The following CHCHD3 variants were observed in gnomAD, a reference collection of about 807,000 sequenced individuals.
The protein encoded by CHCHD3 is coiled-coil-helix-coiled-coil-helix domain containing 3.
A neutral mutation model predicts 38.2 loss-of-function variants in CHCHD3; 20 were observed. The observed-to-expected ratio is 0.52, with a 90% CI of 0.37 to 0.76. The LOEUF is 0.76. Ranked by LOEUF, CHCHD3 falls within the 30% of genes least tolerant of loss-of-function variation. The pLI is 0.00. For missense variants in CHCHD3, 245 were observed against 279.2 expected (o/e 0.88, Z 0.87); for synonymous variants, 82 against 100.0 (o/e 0.82, Z 1.07).
intron 4 of CHCHD3, among the ~76,000 whole-genome samples, chr7:132,956,517 G>A (rs1811172479): frequency 6.6e-6 from 1 of 152,204 alleles, no homozygotes. Context: ...TGACAGGCAA[G>A]TCAAGTTATA....
intron 4 of CHCHD3, among the ~76,000 whole-genome samples, chr7:132,908,284 G>C (rs963840399): frequency 1.7e-4 from 26 of 152,060 alleles, no homozygotes; most frequent in African/African-American, 6.3e-4. Flanking sequence ...CTTGACAAAA[G>C]TACCAATGTC....
At chr7:132,973,494 C>A (rs1414111569) in intron 4 of CHCHD3, 3 of 985,326 alleles carry the variant, frequency 3.0e-6, no homozygotes, top group Non-Finnish European at 1.2e-6. Flanking sequence ...TGAAATTATT[C>A]CCCTTTCACA....
intron 2 of CHCHD3, among the ~76,000 whole-genome samples, chr7:133,033,809 T>C (rs575984321): frequency 6.6e-6 from 1 of 152,240 alleles, no homozygotes; most frequent in South Asian, 2.1e-4. Context: ...TTCCTTAGGG[T>C]AATCAAAATT....
chr7:132,973,615 C>T (rs1811667578), intron 4 of CHCHD3: 1 of 1,008,240 alleles, frequency 9.9e-7, no homozygotes, highest in African/African-American at 1.7e-5. Flanking sequence ...TGGTCTACCA[C>T]CTCTATTCTG....
intron 4 of CHCHD3, among the ~76,000 whole-genome samples, chr7:132,943,237 T>C (rs914655083): frequency 6.6e-6 from 1 of 152,168 alleles, no homozygotes. Context: ...AAGAGACTAA[T>C]GTTCGTTTTC....
In CHCHD3 at chr7:132,993,850, A is replaced by G. The variant is rs1213096332; in HGVS notation, c.252-18564T>C. On this transcript the variant is annotated intron_variant, in intron 3 of 7. Transcript: ENST00000262570. Reference sequence around the variant, plus strand: ...TGCCAGAACTAGCCCAATGGCTCACATCTGTCGTCAGATGTGCTTCTGAGA... The same window carrying G: ...TGCCAGAACTAGCCCAATGGCTCACGTCTGTCGTCAGATGTGCTTCTGAGA... 3.3e-5 allele frequency among the ~76,000 whole-genome samples: 5 copies of G among 152,348 alleles called. No homozygotes were observed. The East Asian group carries it at 9.6e-4, about 29-fold the overall frequency.
chr7:132,952,563 A>C (rs1052071984), intron 4 of CHCHD3, among the ~76,000 whole-genome samples: 1 of 152,246 alleles, frequency 6.6e-6, no homozygotes, highest in Non-Finnish European at 1.5e-5. Context: ...AGTTATTTTA[A>C]CTAAAGAAAG....
Position 132,901,118 on chromosome 7 carries a change from C to T in CHCHD3, c.370-15373G>A, listed in dbSNP as rs1267422244. 7.9e-5 allele frequency among the ~76,000 whole-genome samples: 12 copies of T among 152,344 alleles called. 4 individuals are homozygous for T. Among genetic ancestry groups the T allele is most frequent in the Admixed American group, 7.8e-4 (12 of 15,304 alleles). ...GGTAATGAAAGTACAACAGAACACT[C>T]AGCCCTTTACAACATCCCAGTTTTC... On this transcript the variant is annotated intron_variant, in intron 4 of 7. Coordinates refer to ENST00000262570, the MANE Select transcript of CHCHD3 (RefSeq NM_017812.4).
intron 7 of CHCHD3, among the ~76,000 whole-genome samples, chr7:132,792,814 C>T (rs1351687135): frequency 6.6e-6 from 1 of 152,088 alleles, no homozygotes; most frequent in East Asian, 1.9e-4. Flanking sequence ...TCCTATAAAC[C>T]CCACCCTCCC....
intron 3 of CHCHD3, among the ~76,000 whole-genome samples, chr7:133,007,952 G>A (rs1812745612): frequency 6.6e-6 from 1 of 152,270 alleles, no homozygotes; most frequent in Non-Finnish European, 1.5e-5. Context: ...GCCATTTACA[G>A]GATAACCTTT....
intron 5 of CHCHD3, among the ~76,000 whole-genome samples, chr7:132,850,438 GTTTTTTTTTTTGTTT>G (rs1417599653): frequency 7.1e-6 from 1 of 141,794 alleles, no homozygotes; most frequent in African/African-American, 2.6e-5. Context: ...AGAGTCTCAG[GTTTTTTTTTTTGTTT>G]TTTTTTTTTT....
intron 4 of CHCHD3, among the ~76,000 whole-genome samples, chr7:132,927,071 T>C (rs1375230910): frequency 1.3e-5 from 2 of 152,238 alleles, no homozygotes; most frequent in African/African-American, 2.4e-5. Flanking sequence ...GCACAGGCTA[T>C]TGCAATGTCT....
intron 4 of CHCHD3, among the ~76,000 whole-genome samples, chr7:132,900,997 C>CA (rs1436474923): frequency 6.6e-6 from 1 of 151,730 alleles, no homozygotes; most frequent in Non-Finnish European, 1.5e-5. Context: ...TCTCAAAAAA[C>CA]AAAAAACAGA....
chr7:133,009,537 C>CA (rs34957591), intron 3 of CHCHD3, among the ~76,000 whole-genome samples: 47,497 of 135,850 alleles, frequency 0.35, 7,865 homozygotes, highest in Admixed American at 0.42. Flanking sequence ...CAGGTTACGA[C>CA]AAAAAAAAAA....
intron 2 of CHCHD3, among the ~76,000 whole-genome samples, chr7:133,025,673 T>C (rs1427185565): frequency 6.6e-6 from 1 of 152,094 alleles, no homozygotes; most frequent in Non-Finnish European, 1.5e-5. Flanking sequence ...CCTAGCTAAT[T>C]TTTTGTATTT....
At position 132,808,649 on chromosome 7, in the gene CHCHD3, G is replaced by A. The variant is rs375934023; in HGVS notation, c.525-12072C>T. ...ATTATTTGTTTTCTTATCCAAACAA[G>A]ATTTTCCTCCTACTTTTCATCAACA... On this transcript the variant is annotated intron_variant, in intron 6 of 7. Coordinates refer to ENST00000262570, the MANE Select transcript of CHCHD3 (RefSeq NM_017812.4). 3.3e-5 allele frequency among the ~76,000 whole-genome samples: 5 copies of A among 152,122 alleles called. No homozygotes were observed. In the South Asian group the frequency reaches 6.2e-4, roughly 19 times the overall value.
rs556812053 is a variant in CHCHD3 at position 132,848,840 on chromosome 7, G to A, written c.454-10371C>T. On this transcript the variant is annotated intron_variant, in intron 5 of 7. Transcript: ENST00000262570. ...ATTACTGAAACTTCTTAAACCTATGGCCTTGAGTCCACTTCACTGGACTCT... is the reference window on the plus strand; with the variant it reads ...ATTACTGAAACTTCTTAAACCTATGACCTTGAGTCCACTTCACTGGACTCT... Among the ~76,000 whole-genome samples, 313 of 152,218 alleles carry A rather than the reference G, an allele frequency of 2.1e-3. 3 individuals carry two copies. The highest frequency in any genetic ancestry group is 7.4e-3 in the African/African-American group (306 of 41,512).
intron 4 of CHCHD3, among the ~76,000 whole-genome samples, chr7:132,908,604 A>C (rs562368708): frequency 6.6e-6 from 1 of 152,180 alleles, no homozygotes; most frequent in Admixed American, 6.5e-5. Context: ...ATCCTCTCCA[A>C]CAAGCTGCTA....
At chr7:133,053,900 C>T (rs933792824) in intron 2 of CHCHD3, among the ~76,000 whole-genome samples, 9 of 152,142 alleles carry the variant, frequency 5.9e-5, no homozygotes, top group Admixed American at 2.0e-4. Context: ...AGAAAAGATG[C>T]TCCCTGCTCT....
Sources: allele counts gnomAD v4.1 joint callset (sites outside exome capture counted in the v4.1 genomes callset), GRCh38; gene constraint gnomAD v4.1.1; transcripts MANE v1.5; gene names NCBI Gene and HGNC (gene_info 2026-07-23, HGNC 2026-07-21).